SNTG1: variants seen among roughly 807,000 people sequenced by gnomAD.
The protein encoded by SNTG1 is syntrophin gamma 1, also known as gamma-1-syntrophin.
In SNTG1, 39 loss-of-function variants were observed where a neutral mutation model predicts 74.7. That is an observed-to-expected ratio of 0.52 (90% CI 0.40 to 0.68). SNTG1 has a LOEUF of 0.68. Among genes scored for constraint, SNTG1 ranks in the 30% least tolerant of loss-of-function variants. The probability of loss-of-function intolerance (pLI) is 0.00; values close to 1 mark genes in which losing one functional copy is unlikely to be tolerated. For synonymous variants in SNTG1, 254 were observed against 217.1 expected, an observed-to-expected ratio of 1.17 and a Z score of -1.49; for missense variants, 685 against 609.5, an observed-to-expected ratio of 1.12 and a Z score of -1.30.
intron 2 of SNTG1, among the ~76,000 whole-genome samples, chr8:50,236,693 G>T (rs191382944): frequency 2.6e-4 from 40 of 151,892 alleles, no homozygotes; most frequent in African/African-American, 9.6e-4. Flanking sequence ...CTTGTGATCC[G>T]CCCGCCTTGG....
At chr8:50,573,101 G>T in intron 12 of SNTG1, among the ~76,000 whole-genome samples, 1 of 152,142 alleles carries the variant, frequency 6.6e-6, no homozygotes, top group Middle Eastern at 3.4e-3. Context: ...AACTGGCAAT[G>T]TAATTTTAAA....
rs1819115321 is a variant in SNTG1 at position 50,046,668 on chromosome 8, C to T, written c.-102-125893C>T. ...AAAACAAAGGAGTTCATAGAAAAAA[C>T]AAAGAGAATCCCAGCATTTCTCTGT... is the stretch of plus-strand genomic sequence containing the variant. On this transcript the variant is annotated intron_variant, in intron 1 of 18. Coordinates refer to ENST00000642720, the MANE Select transcript of SNTG1 (RefSeq NM_018967.5). Among the ~76,000 whole-genome samples the T allele has an allele frequency of 3.3e-5, 5 of 152,116 alleles. No homozygotes were observed. In the South Asian group the frequency reaches 1.0e-3, roughly 32 times the overall value.
At chr8:50,742,062 G>T (rs903440843) in intron 17 of SNTG1, among the ~76,000 whole-genome samples, 1 of 151,888 alleles carries the variant, frequency 6.6e-6, no homozygotes, top group African/African-American at 2.4e-5. Context: ...TATAACAAAT[G>T]CACCACTCTG....
intron 4 of SNTG1, among the ~76,000 whole-genome samples, chr8:50,436,924 G>A (rs183924803): frequency 1.4e-3 from 217 of 152,058 alleles, no homozygotes; most frequent in Admixed American, 5.9e-4. Context: ...ATATCTTCCC[G>A]TATTTGTGGT....
intron 2 of SNTG1, among the ~76,000 whole-genome samples, chr8:50,206,695 C>T (rs2486704): frequency 0.42 from 63,947 of 152,000 alleles, 16,715 homozygotes; most frequent in African/African-American, 0.75. Flanking sequence ...ATGATATTGG[C>T]TGTGGGTTTG....
At chr8:50,487,591 A>T (rs2093808473) in intron 8 of SNTG1, among the ~76,000 whole-genome samples, 1 of 152,098 alleles carries the variant, frequency 6.6e-6, no homozygotes, top group Non-Finnish European at 1.5e-5. Flanking sequence ...GCAAGATCAA[A>T]AAACCAAACA....
At chr8:49,949,307 T>C (rs550371691) in intron 1 of SNTG1, among the ~76,000 whole-genome samples, 133 of 152,314 alleles carry the variant, frequency 8.7e-4, no homozygotes, top group Middle Eastern at 3.4e-3. Flanking sequence ...TAGCAAACTA[T>C]TCTATTTTAT....
intron 15 of SNTG1, among the ~76,000 whole-genome samples, chr8:50,685,099 G>A (rs528257629): frequency 2.0e-5 from 3 of 152,202 alleles, no homozygotes; most frequent in Admixed American, 6.5e-5. Context: ...GCCATGACGT[G>A]TAGATAGATT....
intron 15 of SNTG1, among the ~76,000 whole-genome samples, chr8:50,678,510 T>C (rs2095318266): frequency 1.3e-5 from 2 of 152,126 alleles, no homozygotes; most frequent in African/African-American, 4.8e-5. Flanking sequence ...TTGTTTGAAA[T>C]GGATTTGGAG....
intron 1 of SNTG1, among the ~76,000 whole-genome samples, chr8:50,093,491 A>G (rs2079816577): frequency 6.6e-6 from 1 of 152,114 alleles, no homozygotes; most frequent in African/African-American, 2.4e-5. Flanking sequence ...GCCACTCCTG[A>G]GTGGTTTCTG....
At chr8:50,370,566 T>C (rs1217607069) in intron 2 of SNTG1, among the ~76,000 whole-genome samples, 1 of 149,434 alleles carries the variant, frequency 6.7e-6, no homozygotes, top group South Asian at 2.1e-4. Context: ...CCTGCAATGA[T>C]AGTAGTCTCC....
intron 12 of SNTG1, among the ~76,000 whole-genome samples, chr8:50,558,258 G>A (rs571733689): frequency 3.2e-4 from 48 of 152,274 alleles, no homozygotes; most frequent in Middle Eastern, 3.4e-3. Flanking sequence ...GCATGGCCAG[G>A]GGGGCCTTGG....
intron 18 of SNTG1, among the ~76,000 whole-genome samples, chr8:50,777,671 T>C (rs1585767994): frequency 1.3e-5 from 2 of 151,802 alleles, no homozygotes; most frequent in South Asian, 4.2e-4. Context: ...AGTTTTCTTT[T>C]TTTCTCTCTC....
intron 18 of SNTG1, among the ~76,000 whole-genome samples, chr8:50,760,769 C>A (rs539061110): frequency 4.0e-5 from 6 of 151,876 alleles, no homozygotes; most frequent in Non-Finnish European, 7.4e-5. Context: ...AATAGAAAAT[C>A]GAGAAGAGAT....
chr8:50,293,121 C>A (rs1466289287), intron 2 of SNTG1, among the ~76,000 whole-genome samples: 1 of 151,464 alleles, frequency 6.6e-6, no homozygotes. Flanking sequence ...ATTGGGACAT[C>A]CAGGTTGTCT....
chr8:50,786,539 C>A (rs902769167), intron 18 of SNTG1, among the ~76,000 whole-genome samples: 6 of 151,758 alleles, frequency 4.0e-5, no homozygotes, highest in Non-Finnish European at 7.4e-5. Flanking sequence ...TCCAGTATAG[C>A]CAAAATAATC....
intron 1 of SNTG1, among the ~76,000 whole-genome samples, chr8:50,077,228 T>C (rs532083773): frequency 1.3e-5 from 2 of 152,278 alleles, no homozygotes; most frequent in East Asian, 3.9e-4. Context: ...TATTCTTACA[T>C]TTTTTCTTTA....
chr8:50,721,685 A>G (rs2095487998), intron 17 of SNTG1, among the ~76,000 whole-genome samples: 1 of 152,208 alleles, frequency 6.6e-6, no homozygotes, highest in African/African-American at 2.4e-5. Context: ...ATATATGTGG[A>G]AAATGACAGA....
intron 8 of SNTG1, chr8:50,457,187 T>G (rs2093514372): frequency 6.6e-6 from 1 of 152,180 alleles, no homozygotes; most frequent in Non-Finnish European, 1.5e-5. Flanking sequence ...AGTAGATTAT[T>G]GCTTAGGTCT....
Sources: allele counts gnomAD v4.1 joint callset (sites outside exome capture counted in the v4.1 genomes callset), GRCh38; gene constraint gnomAD v4.1.1; transcripts MANE v1.5; gene names NCBI Gene and HGNC (gene_info 2026-07-23, HGNC 2026-07-21).